DNAJC3: variants seen among roughly 807,000 people sequenced by gnomAD.
The protein encoded by DNAJC3 is DnaJ heat shock protein family (Hsp40) member C3, also known as dnaJ homolog subfamily C member 3.
A neutral mutation model predicts 68.6 loss-of-function variants in DNAJC3; 38 were observed. That is an observed-to-expected ratio of 0.55 (90% CI 0.43 to 0.73). The LOEUF is 0.73. Among genes scored for constraint, DNAJC3 ranks in the 30% least tolerant of loss-of-function variants. DNAJC3 has a pLI of 0.00. For missense variants in DNAJC3, 526 were observed against 591.9 expected (o/e 0.89, Z 1.16); for synonymous variants, 203 against 204.0 (o/e 1.00, Z 0.04).
chr13:95,709,881 C>T (rs17878602), intron 2 of DNAJC3, among the ~76,000 whole-genome samples: 2,602 of 152,198 alleles, frequency 0.017, 76 homozygotes, highest in African/African-American at 0.06. Flanking sequence ...CCTCGTGATC[C>T]GCCCGCCTCG....
chr13:95,760,711 A>C lies in DNAJC3; in HGVS notation c.761A>C (p.Asp254Ala). The part of the protein sequence containing the change: ...EVRECLKLDQ[D>A]HKRCFAHYKQ... Reference sequence around the variant, plus strand: ...CGGGAATGTCTTAAACTTGACCAGGATCATAAAAGGTGTTTTGCACACTAT... The same window carrying C: ...CGGGAATGTCTTAAACTTGACCAGGCTCATAAAAGGTGTTTTGCACACTAT... Residue 254 changes from aspartate (D) to alanine (A), a missense_variant, in exon 7 of 12, where the codon GAT (aspartate) becomes GCT (alanine). Physicochemically the swap from Asp to Ala is moderately radical, Grantham distance 126 (BLOSUM62 -2). Coordinates refer to ENST00000602402, the MANE Select transcript of DNAJC3 (RefSeq NM_006260.5). 1.2e-6 allele frequency: 2 copies of C among 1,612,056 alleles called. No individual in the cohort carries two copies. The highest frequency in any genetic ancestry group is 1.7e-6 in the Non-Finnish European group (2 of 1,179,180).
chr13:95,695,837 C>G (rs1376306883), intron 1 of DNAJC3: 1 of 152,204 alleles, frequency 6.6e-6, no homozygotes, highest in Non-Finnish European at 1.5e-5. Context: ...TACCGCTTCA[C>G]CATCAACACC....
At chr13:95,732,040 G>A (rs1593987267) in intron 4 of DNAJC3, among the ~76,000 whole-genome samples, 1 of 151,414 alleles carries the variant, frequency 6.6e-6, no homozygotes, top group African/African-American at 2.4e-5. Context: ...GCACCCAGCC[G>A]GTGTCTTACC....
chr13:95,709,514 G>A (rs562136642), intron 2 of DNAJC3, among the ~76,000 whole-genome samples, 177 bp downstream of exon 2: 1 of 151,918 alleles, frequency 6.6e-6, no homozygotes, highest in South Asian at 2.1e-4. Flanking sequence ...ACACTTAAAT[G>A]TATGTGCATC....
intron 9 of DNAJC3, among the ~76,000 whole-genome samples, chr13:95,785,561 C>A (rs1010809320): frequency 7.0e-6 from 1 of 141,994 alleles, no homozygotes; most frequent in African/African-American, 2.7e-5. Flanking sequence ...CAAGTTCAAG[C>A]GGTTTTCCTG....
At chr13:95,715,730 C>G (rs981414596) in intron 2 of DNAJC3, among the ~76,000 whole-genome samples, 1 of 146,728 alleles carries the variant, frequency 6.8e-6, no homozygotes, top group Admixed American at 6.6e-5. Flanking sequence ...TGATGATCCA[C>G]CCCCCCTTGG....
In DNAJC3 at chr13:95,715,677, G is replaced by A. The variant is rs138968734; in HGVS notation, c.193+6340G>A. Among the ~76,000 whole-genome samples, 1,385 of 151,152 alleles carry A rather than the reference G, an allele frequency of 9.2e-3. 34 individuals are homozygous for A. In the East Asian group the frequency reaches 0.098, roughly 11 times the overall value. On this transcript the variant is annotated intron_variant, in intron 2 of 11. Transcript: ENST00000602402. ...TAATTTTTGTATTTTTAGTAGAGAC[G>A]GGGTTTCACCATGTTGGCGAGGATG...
intron 2 of DNAJC3, among the ~76,000 whole-genome samples, chr13:95,722,871 A>G (rs1202665952): frequency 7.6e-6 from 1 of 131,804 alleles, no homozygotes; most frequent in African/African-American, 2.8e-5. Flanking sequence ...AATATAGTTA[A>G]TATTCTAGAC....
chr13:95,699,527 G>A (rs1880532183), intron 1 of DNAJC3, among the ~76,000 whole-genome samples: 1 of 152,168 alleles, frequency 6.6e-6, no homozygotes, highest in Admixed American at 6.5e-5. Flanking sequence ...AGTGAGTCAA[G>A]CATGAAAAGC....
chr13:95,731,113 G>A (rs1169668501), intron 4 of DNAJC3, among the ~76,000 whole-genome samples: 1 of 152,054 alleles, frequency 6.6e-6, no homozygotes, highest in Non-Finnish European at 1.5e-5. Flanking sequence ...CATTATTGGT[G>A]TATAGAGATG....
chr13:95,709,861 C>T (rs539796992), intron 2 of DNAJC3, among the ~76,000 whole-genome samples: 1 of 151,982 alleles, frequency 6.6e-6, no homozygotes, highest in African/African-American at 2.4e-5. Flanking sequence ...GGATGGTCTC[C>T]ATCTCCTGAC....
intron 1 of DNAJC3, among the ~76,000 whole-genome samples, chr13:95,698,605 G>A (rs941781502): frequency 6.6e-6 from 1 of 152,210 alleles, no homozygotes; most frequent in Non-Finnish European, 1.5e-5. Context: ...GATGCACAGT[G>A]TTGTCTGTCT....
intron 1 of DNAJC3, among the ~76,000 whole-genome samples, chr13:95,705,363 T>C (rs1337119552): frequency 6.6e-6 from 1 of 152,144 alleles, no homozygotes; most frequent in Non-Finnish European, 1.5e-5. Flanking sequence ...TAAGTTTCTG[T>C]GCAACTCTAA....
chr13:95,756,282 AACAG>A (rs1882659952), intron 4 of DNAJC3, among the ~76,000 whole-genome samples: 1 of 152,286 alleles, frequency 6.6e-6, no homozygotes, highest in South Asian at 2.1e-4. Context: ...AGGATGATAA[AACAG>A]ACAGAGACAA....
At chr13:95,717,557 GT>G (rs1881190865) in intron 2 of DNAJC3, among the ~76,000 whole-genome samples, 1 of 152,156 alleles carries the variant, frequency 6.6e-6, no homozygotes, top group Non-Finnish European at 1.5e-5. Flanking sequence ...AGATGATATG[GT>G]TTGGCTGTGT....
intron 9 of DNAJC3, among the ~76,000 whole-genome samples, chr13:95,771,072 T>A (rs748918715): frequency 2.0e-5 from 3 of 152,208 alleles, no homozygotes; most frequent in Non-Finnish European, 4.4e-5. Flanking sequence ...TTTATCTGTC[T>A]CTAGCCCTCC....
chr13:95,713,837 A>G (rs147196049), intron 2 of DNAJC3, among the ~76,000 whole-genome samples: 1,955 of 152,282 alleles, frequency 0.013, 49 homozygotes, highest in African/African-American at 0.045. Flanking sequence ...GTCTCTTGCC[A>G]TTTAGAGTTT....
At chr13:95,763,570 G>C in intron 7 of DNAJC3, 73 bp from the exon 8 acceptor site, 1 of 1,417,010 alleles carries the variant, frequency 7.1e-7, no homozygotes, top group East Asian at 2.4e-5. Flanking sequence ...ACATGGTGAA[G>C]AGGGGAGGAG....
chr13:95,713,792 C>T (rs561341394), intron 2 of DNAJC3, among the ~76,000 whole-genome samples: 1 of 152,276 alleles, frequency 6.6e-6, no homozygotes, highest in Admixed American at 6.5e-5. Context: ...AATAGCAACC[C>T]CTTCTTCCTT....
Sources: allele counts gnomAD v4.1 joint callset (sites outside exome capture counted in the v4.1 genomes callset), GRCh38; gene constraint gnomAD v4.1.1; transcripts MANE v1.5; gene names NCBI Gene and HGNC (gene_info 2026-07-23, HGNC 2026-07-21).